Variants in PHF24 observed in about 807,000 individuals in gnomAD.
The protein encoded by PHF24 is Galpha inhibitory interacting protein.
Under a neutral mutation model 42.6 loss-of-function variants are expected in PHF24, and 25 were observed. The ratio of observed to expected loss-of-function variants is 0.59; its 90% CI spans 0.43 to 0.82. The LOEUF is 0.82. Ranked by LOEUF, PHF24 falls within the 40% of genes least tolerant of loss-of-function variation. PHF24 has a pLI of 0.00. For synonymous variants in PHF24, 185 were observed against 204.8 expected (o/e 0.90, Z 0.83); for missense variants, 470 against 538.1 (o/e 0.87, Z 1.25).
the PHF24 span, among the ~76,000 whole-genome samples, chr9:34,767,476 GC>G: frequency 6.6e-6 from 1 of 152,218 alleles, no homozygotes; most frequent in East Asian, 1.9e-4. Flanking sequence ...CTAGCAATCA[GC>G]GAGACTCCGT....
chr9:34,861,903 C>T, the PHF24 span, among the ~76,000 whole-genome samples: 1 of 152,208 alleles, frequency 6.6e-6, no homozygotes, highest in Non-Finnish European at 1.5e-5. Flanking sequence ...AACCATATGC[C>T]TCCTGTCTTA....
chr9:34,821,570 G>A, the PHF24 span, among the ~76,000 whole-genome samples: 43,456 of 152,012 alleles, frequency 0.29, 6,942 homozygotes, highest in East Asian at 0.55. Flanking sequence ...GTGGCAGTGG[G>A]TGGGTCTGCA....
chr9:34,927,705 C>T, the PHF24 span, among the ~76,000 whole-genome samples: 35 of 152,254 alleles, frequency 2.3e-4, no homozygotes, highest in African/African-American at 8.2e-4. Flanking sequence ...AGTGCTTCCT[C>T]GCTGCCCTCC....
the PHF24 span, among the ~76,000 whole-genome samples, chr9:34,749,718 C>T: frequency 2.0e-5 from 3 of 151,406 alleles, no homozygotes; most frequent in Non-Finnish European, 2.9e-5. Context: ...AACCTGTTAT[C>T]TAGGTTTTAA....
At chr9:34,670,525 C>G in the PHF24 span, among the ~76,000 whole-genome samples, 1 of 152,052 alleles carries the variant, frequency 6.6e-6, no homozygotes, top group African/African-American at 2.4e-5. Flanking sequence ...AAACTCTTTT[C>G]TCTTTCACAA....
chr9:34,954,860 G>A (rs1193860296), upstream of PHF24, among the ~76,000 whole-genome samples: 2 of 152,046 alleles, frequency 1.3e-5, no homozygotes, highest in Non-Finnish European at 2.9e-5. Flanking sequence ...GTCTCAAAAA[G>A]CAAAAACAAA....
the PHF24 span, among the ~76,000 whole-genome samples, chr9:34,864,796 A>G: frequency 5.3e-5 from 8 of 152,232 alleles, no homozygotes; most frequent in Non-Finnish European, 7.3e-5. Context: ...GAAAGACTAA[A>G]AGATGAATGA....
At chr9:34,695,354 T>A in the PHF24 span, among the ~76,000 whole-genome samples, 1 of 152,240 alleles carries the variant, frequency 6.6e-6, no homozygotes, top group Non-Finnish European at 1.5e-5. Context: ...TCCACACCTT[T>A]TTTTCCCCAT....
chr9:34,755,969 C>T, the PHF24 span, among the ~76,000 whole-genome samples: 1 of 152,128 alleles, frequency 6.6e-6, no homozygotes, highest in African/African-American at 2.4e-5. Context: ...CTCTTGTTGC[C>T]TGTGCTTTTG....
the PHF24 span, chr9:34,728,530 C>T: frequency 7.1e-7 from 1 of 1,415,220 alleles, no homozygotes; most frequent in Non-Finnish European, 9.7e-7. Flanking sequence ...TGGCTCTTGG[C>T]TCCAGAGGTC....
At chr9:34,868,102 A>G in the PHF24 span, among the ~76,000 whole-genome samples, 2 of 152,132 alleles carry the variant, frequency 1.3e-5, no homozygotes, top group Non-Finnish European at 2.9e-5. Context: ...TACTTAGCAT[A>G]TGGGTTACCT....
the PHF24 span, chr9:34,726,357 G>A: frequency 8.4e-6 from 13 of 1,547,154 alleles, no homozygotes; most frequent in Non-Finnish European, 1.1e-5. Context: ...TGTACCTCAA[G>A]AAGCCTCAGC....
At chr9:34,835,654 C>A in the PHF24 span, 1 of 1,551,426 alleles carries the variant, frequency 6.4e-7, no homozygotes. Flanking sequence ...GGTGTTTGGG[C>A]CCCGGAGCAC....
At chr9:34,835,740 C>T in the PHF24 span, 1 of 1,551,002 alleles carries the variant, frequency 6.4e-7, no homozygotes, top group Admixed American at 2.0e-5. Flanking sequence ...CATACGTTGA[C>T]TGGGCAGCTG....
the PHF24 span, among the ~76,000 whole-genome samples, chr9:34,865,143 CA>C: frequency 8.1e-3 from 831 of 102,784 alleles, 9 homozygotes; most frequent in African/African-American, 0.023. Flanking sequence ...TGCGCCACTG[CA>C]AAAAAAAAAA....
the PHF24 span, among the ~76,000 whole-genome samples, chr9:34,872,238 G>A: frequency 1.3e-5 from 2 of 149,528 alleles, no homozygotes; most frequent in Non-Finnish European, 1.5e-5. Context: ...TAAGTTTTAG[G>A]GTACATGTGC....
At chr9:34,899,269 CATTT>C in the PHF24 span, among the ~76,000 whole-genome samples, 1 of 152,212 alleles carries the variant, frequency 6.6e-6, no homozygotes, top group African/African-American at 2.4e-5. Context: ...GATTATTCTT[CATTT>C]GTTTCTAGAA....
At chr9:34,684,348 T>C in the PHF24 span, among the ~76,000 whole-genome samples, 4 of 152,174 alleles carry the variant, frequency 2.6e-5, no homozygotes, top group African/African-American at 9.7e-5. Flanking sequence ...CTGAGACTAC[T>C]GGGGGCCTTA....
intron 1 of PHF24, among the ~76,000 whole-genome samples, chr9:34,963,336 AT>A (rs1826660177): frequency 7.0e-6 from 1 of 143,636 alleles, no homozygotes; most frequent in African/African-American, 2.6e-5. Context: ...TGTGCTATGC[AT>A]TCAGCGTTTG....
Sources: allele counts gnomAD v4.1 joint callset (sites outside exome capture counted in the v4.1 genomes callset), GRCh38; gene constraint gnomAD v4.1.1; transcripts MANE v1.5; gene names NCBI Gene and HGNC (gene_info 2026-07-23, HGNC 2026-07-21).